Variants in ASPH observed in about 807,000 individuals in gnomAD.
ASPH encodes aspartate beta-hydroxylase.
ASPH carries 100 observed loss-of-function variants against 118.4 expected under a neutral mutation model. The observed-to-expected ratio is 0.84, with a 90% confidence interval of 0.72 to 1.00. The LOEUF (loss-of-function observed/expected upper bound fraction) is 1.00, where lower values mean the gene tolerates loss of function less well. Among genes scored for constraint, ASPH ranks in the 50% least tolerant of loss-of-function variants. ASPH has a pLI of 0.00. For missense variants in ASPH, 920 were observed against 919.5 expected, an observed-to-expected ratio of 1.00 and a Z score of -0.01; for synonymous variants, 315 against 325.6, an observed-to-expected ratio of 0.97 and a Z score of 0.35.
intron 2 of ASPH, chr8:61,682,436 T>G (rs771817375): frequency 3.1e-6 from 5 of 1,612,544 alleles, no homozygotes; most frequent in Non-Finnish European, 4.2e-6. Flanking sequence ...TCCAATAGCC[T>G]ACCTTGAAGC....
Position 61,518,137 on chromosome 8 carries a change from C to A in ASPH, c.1901-14G>T, listed in dbSNP as rs1811570531. On this transcript the variant is annotated splice_polypyrimidine_tract_variant and intron_variant, in intron 22 of 24. Transcript: ENST00000379454. The stretch of plus-strand genomic sequence containing the variant: ...CATTTCTTCTTCCTAGAATAAATAA[C>A]ATAATTGTTGGAAACAAATCACAGT... 6 of 1,605,088 alleles carry A rather than the reference C, an allele frequency of 3.7e-6. No homozygotes were observed. The highest frequency in any genetic ancestry group is 5.1e-6 in the Non-Finnish European group (6 of 1,172,200).
At chr8:61,663,185 G>A in intron 3 of ASPH, 1 of 985,336 alleles carries the variant, frequency 1.0e-6, no homozygotes, top group Non-Finnish European at 1.2e-6. Flanking sequence ...TTCTTCTTCT[G>A]TCCAGTTTTC....
chr8:61,580,167 C>A (rs187002863), intron 15 of ASPH, among the ~76,000 whole-genome samples: 1 of 152,130 alleles, frequency 6.6e-6, no homozygotes, highest in Admixed American at 6.5e-5. Context: ...TAGGTATCTG[C>A]GGCTTTTCCA....
chr8:61,637,287 C>T (rs959544862), intron 12 of ASPH, among the ~76,000 whole-genome samples: 14 of 152,084 alleles, frequency 9.2e-5, no homozygotes, highest in African/African-American at 3.4e-4. Context: ...AGCTATGAAA[C>T]CTAGGGCTAG....
intron 18 of ASPH, among the ~76,000 whole-genome samples, chr8:61,559,163 C>T (rs2131366104): frequency 6.6e-6 from 1 of 152,328 alleles, no homozygotes; most frequent in Non-Finnish European, 1.5e-5. Context: ...GCCCCTCAGA[C>T]ATTTATCCTT....
intron 16 of ASPH, 71 bp from the exon 17 acceptor site, chr8:61,567,389 A>G (rs1832061618): frequency 1.4e-6 from 2 of 1,454,446 alleles, no homozygotes; most frequent in Admixed American, 4.4e-5. Context: ...AAATATTCAT[A>G]AAAAGTTAAC....
Position 61,548,070 on chromosome 8 carries a change from C to G in ASPH, c.1764+1G>C. ...GAGGATGATGTCTAAGTTATACTTA[C>G]CTTTACTAACTCTGTGTAGCCCGTT... On this transcript the variant is annotated splice_donor_variant, in intron 21 of 24. Coordinates refer to ENST00000379454, the MANE Select transcript of ASPH (RefSeq NM_004318.4). LOFTEE classifies it high-confidence loss of function. 6.2e-7 allele frequency: 1 copy of G among 1,612,416 alleles called. No homozygotes were observed. Among genetic ancestry groups the G allele is most frequent in the Non-Finnish European group, 8.5e-7 (1 of 1,179,112 alleles).
At chr8:61,626,244 G>A (rs773609021) in intron 13 of ASPH, 66 of 1,548,214 alleles carry the variant, frequency 4.3e-5, no homozygotes, top group Non-Finnish European at 3.5e-6. Context: ...TGGTCCTCCT[G>A]TGGTGGTAGG....
intron 5 of ASPH, among the ~76,000 whole-genome samples, chr8:61,647,461 A>C (rs1184056211): frequency 1.3e-5 from 2 of 152,144 alleles, no homozygotes; most frequent in Admixed American, 6.5e-5. Context: ...ACTTGAGGTC[A>C]GGAGTTCAAG....
rs149922715 is a variant in ASPH, at chr8:61,646,706, A to G, written c.619+44T>C. The G allele has an allele frequency of 1.7e-4, 266 of 1,569,884 alleles. 3 individuals are homozygous for G. In the East Asian group the frequency reaches 4.7e-3, roughly 28 times the overall value. ...AGAAAAACTTCAGTAATTAGAAGTCATTGATTATATTTTATCCTAAAACTT... is the reference window on the plus strand; with the variant it reads ...AGAAAAACTTCAGTAATTAGAAGTCGTTGATTATATTTTATCCTAAAACTT... On this transcript the variant is annotated intron_variant, in intron 6 of 24. Transcript: ENST00000379454.
intron 17 of ASPH, among the ~76,000 whole-genome samples, chr8:61,564,055 T>C (rs942434221): frequency 1.3e-5 from 2 of 152,190 alleles, no homozygotes; most frequent in Non-Finnish European, 2.9e-5. Flanking sequence ...GGCAGTCACC[T>C]TCCCAGGGCC....
rs1302809037 is a variant in ASPH at position 61,528,212 on chromosome 8, TAA to T, written c.1765-2102_1765-2101del. Among the ~76,000 whole-genome samples, 3 of 152,148 alleles carry T rather than the reference TAA, an allele frequency of 2.0e-5. No individual in the cohort carries two copies. In the East Asian group the frequency reaches 5.8e-4, roughly 29 times the overall value. ...GAACAGGGCAAAGATCGCATTTCAA[TAA>T]AGAGACATTCAAAAGCCCTTACTTT... On this transcript the variant is annotated intron_variant, in intron 21 of 24. Coordinates refer to ENST00000379454, the MANE Select transcript of ASPH (RefSeq NM_004318.4).
intron 21 of ASPH, among the ~76,000 whole-genome samples, chr8:61,544,636 A>G (rs1823123832): frequency 6.6e-6 from 1 of 152,198 alleles, no homozygotes; most frequent in Admixed American, 6.5e-5. Context: ...TCTTATATGT[A>G]AGAAATGCTC....
chr8:61,580,483 G>A (rs543429540), intron 15 of ASPH, among the ~76,000 whole-genome samples: 4 of 152,252 alleles, frequency 2.6e-5, no homozygotes, highest in Admixed American at 1.3e-4. Context: ...GTTACTCTTC[G>A]ATGGCCTCTG....
intron 16 of ASPH, among the ~76,000 whole-genome samples, chr8:61,568,397 C>T (rs1587323331): frequency 6.6e-6 from 1 of 152,100 alleles, no homozygotes; most frequent in East Asian, 1.9e-4. Flanking sequence ...GAGAGAAAAA[C>T]CATGAATGAA....
intron 4 of ASPH, chr8:61,651,496 T>C (rs573397326): frequency 6.5e-5 from 12 of 184,642 alleles, no homozygotes; most frequent in East Asian, 5.0e-4. Flanking sequence ...TAAAGGGAAA[T>C]AGTTGGAAAT....
At chr8:61,563,550 A>G (rs541764241) in intron 17 of ASPH, among the ~76,000 whole-genome samples, 1 of 152,368 alleles carries the variant, frequency 6.6e-6, no homozygotes, top group African/African-American at 2.4e-5. Flanking sequence ...AAAGCCATGA[A>G]TTATCTAAAG....
At position 61,501,722 on chromosome 8, in the gene ASPH, G is replaced by A. The variant is rs1804970737; in HGVS notation, c.*1637C>T. ...CCATGCCTCTTCATCTGATTTAGTG[G>A]GATGTTTTCAATACCAGCAAAACAA... On this transcript the variant is annotated 3_prime_UTR_variant, in exon 25 of 25. Coordinates refer to ENST00000379454, the MANE Select transcript of ASPH (RefSeq NM_004318.4). The A allele has an allele frequency of 1.3e-5, 2 of 152,022 alleles. No homozygotes were observed. Among genetic ancestry groups the A allele is most frequent in the African/African-American group, 4.8e-5 (2 of 41,382 alleles). 9.4% of individuals were successfully genotyped at this position (152,022 alleles called of 1,614,324 possible). A position where few individuals can be genotyped will look rare whatever the true frequency, so the allele number is the denominator to read the frequency against.
At chr8:61,636,391 T>A (rs1039957472) in intron 12 of ASPH, among the ~76,000 whole-genome samples, 29 of 152,298 alleles carry the variant, frequency 1.9e-4, no homozygotes, top group African/African-American at 7.0e-4. Context: ...GAGAGAGGAC[T>A]CAAAAACGAG....
Sources: allele counts gnomAD v4.1 joint callset (sites outside exome capture counted in the v4.1 genomes callset), GRCh38; gene constraint gnomAD v4.1.1; transcripts MANE v1.5; gene names NCBI Gene and HGNC (gene_info 2026-07-23, HGNC 2026-07-21).